KLHDC4: variants seen among roughly 807,000 people sequenced by gnomAD.
The protein encoded by KLHDC4 is kelch domain-containing protein 4.
A neutral mutation model predicts 62.4 loss-of-function variants in KLHDC4; 90 were observed. The observed-to-expected ratio is 1.44, with a 90% confidence interval of 1.22 to 1.72. KLHDC4 has a LOEUF of 1.72. Among genes scored for constraint, KLHDC4 ranks in the 40% most tolerant of loss-of-function variants. The pLI is 0.00. For missense variants in KLHDC4, 1,025 were observed against 699.7 expected (o/e 1.47, Z -5.25); for synonymous variants, 386 against 284.4 (o/e 1.36, Z -3.59).
exon 1 of KLHDC4, chr16:87,701,705 C>G (rs1317044237): frequency 2.2e-6 from 1 of 456,692 alleles, no homozygotes; most frequent in African/African-American, 2.0e-5. Flanking sequence ...CAGACACACC[C>G]TTCTCGTGCG....
intron 6 of KLHDC4, chr16:87,729,419 G>A (rs1431897009): frequency 1.3e-5 from 2 of 152,222 alleles, no homozygotes; most frequent in African/African-American, 4.8e-5. Flanking sequence ...GATACAGACA[G>A]CCACTGTCTC....
chr16:87,705,779 C>T (rs1054411526), downstream of KLHDC4, among the ~76,000 whole-genome samples: 16 of 149,914 alleles, frequency 1.1e-4, no homozygotes, highest in East Asian at 2.0e-4. Flanking sequence ...GCCGCAGAGC[C>T]GGGCAGGGCC....
intron 9 of KLHDC4, chr16:87,710,647 A>ACCCGCGTGTTTTT (rs1249014292): frequency 6.5e-6 from 1 of 152,940 alleles, no homozygotes; most frequent in East Asian, 1.9e-4. Flanking sequence ...CCAGAAACGA[A>ACCCGCGTGTTTTT]CCCGCGTGTT....
intron 5 of KLHDC4, chr16:87,741,114 G>A (rs1185859379): frequency 6.6e-6 from 1 of 152,238 alleles, no homozygotes; most frequent in Non-Finnish European, 1.5e-5. Flanking sequence ...TGGAGAAGAT[G>A]AGGGACTGTT....
chr16:87,750,688 G>T (rs1366997054), intron 4 of KLHDC4, among the ~76,000 whole-genome samples: 1 of 152,228 alleles, frequency 6.6e-6, no homozygotes, highest in African/African-American at 2.4e-5. Context: ...CGGCACCTCT[G>T]AGTCGGTGTT....
At chr16:87,708,141 G>A (rs1293126260) in intron 11 of KLHDC4, 66 bp from the exon 12 acceptor site, 1 of 649,340 alleles carries the variant, frequency 1.5e-6, no homozygotes, top group Non-Finnish European at 2.8e-6. Context: ...CCGTGCAGGA[G>A]GGGTAGAGAG....
intron 5 of KLHDC4, among the ~76,000 whole-genome samples, chr16:87,738,587 CCAGCACCTCATCCATCCACA>C (rs1161756300): frequency 1.9e-4 from 28 of 150,172 alleles, no homozygotes; most frequent in South Asian, 4.3e-4. Flanking sequence ...CATCCACACA[CCAGCACCTCATCCATCCACA>C]CAGCACCTCA....
chr16:87,705,785 G>A (rs939732408), downstream of KLHDC4, among the ~76,000 whole-genome samples: 3 of 152,272 alleles, frequency 2.0e-5, no homozygotes, highest in African/African-American at 7.2e-5. Context: ...GAGCCGGGCA[G>A]GGCCTGGGCG....
chr16:87,707,588 G>A (rs1005706141), downstream of KLHDC4, among the ~76,000 whole-genome samples: 11 of 152,324 alleles, frequency 7.2e-5, no homozygotes, highest in East Asian at 1.4e-3. Context: ...ATATGGATGG[G>A]CAGTCAGGGC....
intron 5 of KLHDC4, among the ~76,000 whole-genome samples, chr16:87,732,076 A>C (rs550007282): frequency 5.4e-4 from 81 of 150,610 alleles, no homozygotes; most frequent in African/African-American, 1.8e-3. Context: ...TGTGGTGCTA[A>C]TTACATAAGT....
chr16:87,740,997 G>C (rs946224306), intron 5 of KLHDC4: 1 of 152,122 alleles, frequency 6.6e-6, no homozygotes, highest in African/African-American at 2.4e-5. Flanking sequence ...CCTCCAACGA[G>C]GCACGGATGC....
At chr16:87,761,883 T>A (rs559865812) in intron 2 of KLHDC4, 66 bp downstream of exon 2, 6 of 1,484,836 alleles carry the variant, frequency 4.0e-6, no homozygotes. Flanking sequence ...CTGGTGCTAT[T>A]TAAAGCAGTT....
At chr16:87,758,606 TGG>T (rs769979614) in intron 2 of KLHDC4, among the ~76,000 whole-genome samples, 2 of 152,128 alleles carry the variant, frequency 1.3e-5, no homozygotes. Context: ...TTGGCTTCCC[TGG>T]GCTACAATGG....
At chr16:87,703,562 A>T (rs1296019630), downstream of KLHDC4, 2 of 152,178 alleles carry the variant, frequency 1.3e-5, no homozygotes, top group Non-Finnish European at 2.9e-5. Flanking sequence ...GGGAGTGGTT[A>T]CTCAATTTCT....
intron 7 of KLHDC4, among the ~76,000 whole-genome samples, chr16:87,724,818 C>T (rs969092328): frequency 6.6e-6 from 1 of 152,198 alleles, no homozygotes; most frequent in Non-Finnish European, 1.5e-5. Flanking sequence ...GGCCCAGCAG[C>T]TCCACTCCAG....
chr16:87,757,897 C>CA (rs1464288296), intron 2 of KLHDC4, among the ~76,000 whole-genome samples: 3 of 151,828 alleles, frequency 2.0e-5, no homozygotes, highest in Admixed American at 6.6e-5. Context: ...CTTAAAAAAA[C>CA]AAAAAATAAA....
intron 5 of KLHDC4, among the ~76,000 whole-genome samples, chr16:87,745,152 A>C (rs780717395): frequency 6.6e-6 from 1 of 152,228 alleles, no homozygotes; most frequent in Non-Finnish European, 1.5e-5. Context: ...TCCAATGAGC[A>C]GGTGCCACCC....
chr16:87,714,425 G>C, intron 8 of KLHDC4, 73 bp downstream of exon 8: 1 of 1,364,382 alleles, frequency 7.3e-7, no homozygotes. Flanking sequence ...CCACATCCAT[G>C]GGAGGGTGTG....
At chr16:87,731,933 G>C (rs1004828754) in intron 5 of KLHDC4, among the ~76,000 whole-genome samples, 4 of 152,172 alleles carry the variant, frequency 2.6e-5, no homozygotes, top group African/African-American at 9.7e-5. Context: ...AAGGAAGGCA[G>C]GTTCTGCTGG....
Sources: gnomAD v4.1 joint callset for allele counts (sites outside exome capture counted in the v4.1 genomes callset) on GRCh38, gnomAD v4.1.1 for gene constraint, MANE v1.5 for transcripts, NCBI Gene and HGNC (gene_info 2026-07-23, HGNC 2026-07-21) for gene names.